PRPF31: variants seen among roughly 807,000 people sequenced by gnomAD.
PRPF31 encodes U4/U6 small nuclear ribonucleoprotein Prp31.
Under a neutral mutation model 60.4 loss-of-function variants are expected in PRPF31, and 12 were observed. The ratio of observed to expected loss-of-function variants is 0.20; its 90% confidence interval spans 0.13 to 0.32. PRPF31 has a LOEUF of 0.32. PRPF31 is among the 10% of genes least tolerant of loss of function. PRPF31 has a pLI of 1.00. For missense variants in PRPF31, 431 were observed against 687.1 expected (o/e 0.63, Z 4.17); for synonymous variants, 287 against 287.9 (o/e 1.00, Z 0.03).
Position 54,122,496 on chromosome 19 carries a change from G to C in PRPF31, c.323-1G>C, listed in dbSNP as rs2146413215. 6.2e-7 allele frequency: 1 copy of C among 1,612,222 alleles called. No individual in the cohort carries two copies. ...ACAACCTCCTGTCCCGTTTACCCTA[G>C]ACATCATCCATAAGTTCATCCGGGA... On this transcript the variant is annotated splice_acceptor_variant, in intron 4 of 13. Transcript: ENST00000321030. LOFTEE classifies it high-confidence loss of function.
intron 4 of PRPF31, 167 bp from the exon 5 acceptor site, chr19:54,122,330 C>T (rs2073811975): frequency 1.3e-6 from 1 of 758,338 alleles, no homozygotes; most frequent in Non-Finnish European, 2.4e-6. Flanking sequence ...CCCCTGGTCA[C>T]ACCTAGCGGT....
At position 54,129,377 on chromosome 19, in the gene PRPF31, C is replaced by G. The variant is rs1428547573; in HGVS notation, c.1374+7C>G. 6.3e-7 allele frequency: 1 copy of G among 1,587,406 alleles called. No homozygotes were observed. Among genetic ancestry groups the G allele is most frequent in the Non-Finnish European group, 8.6e-7 (1 of 1,168,252 alleles). ...GGCCTTCACCCCACTCCAGGTACCT[C>G]CCCTGGGCCGGCTCTGTCCCCAGCC... On this transcript the variant is annotated splice_region_variant and intron_variant, in intron 13 of 13. Coordinates refer to ENST00000321030, the MANE Select transcript of PRPF31 (RefSeq NM_015629.4).
chr19:54,117,241 G>C (rs1287264617), intron 1 of PRPF31, among the ~76,000 whole-genome samples: 1 of 152,178 alleles, frequency 6.6e-6, no homozygotes, highest in African/African-American at 2.4e-5. Context: ...GGAAGTGGGG[G>C]GTGGTGAAAG....
rs587609417 is a variant in PRPF31, at chr19:54,121,829, T to C, written c.239-31T>C. 8 of 1,586,602 alleles carry C rather than the reference T, an allele frequency of 5.0e-6. No individual in the cohort carries two copies. The Admixed American group carries it at 7.1e-5, about 14-fold the overall frequency. ...ACCCGAGAGGGGGTAGGGATTTAGA[T>C]ACTCACACCCATGCCTCCGTGTCCT... is the stretch of plus-strand genomic sequence containing the variant. On this transcript the variant is annotated intron_variant, in intron 3 of 13. Transcript: ENST00000321030.
At chr19:54,131,213 A>G in intron 13 of PRPF31, 94 bp from the exon 14 acceptor site, 1 of 1,533,070 alleles carries the variant, frequency 6.5e-7, no homozygotes, top group Non-Finnish European at 9.0e-7. Context: ...CCAAGGCCTG[A>G]GTGCCATGGG....
intron 3 of PRPF31, 74 bp downstream of exon 3, chr19:54,118,707 G>A: frequency 6.8e-7 from 1 of 1,479,182 alleles, no homozygotes; most frequent in Non-Finnish European, 9.5e-7. Context: ...CTGGCTGCTT[G>A]TGGCTGGGTA....
At chr19:54,116,732 T>C (rs1248197211) in intron 1 of PRPF31, among the ~76,000 whole-genome samples, 3 of 152,202 alleles carry the variant, frequency 2.0e-5, no homozygotes, top group Non-Finnish European at 4.4e-5. Flanking sequence ...TCCTGTAGTC[T>C]AGAGTGGGGC....
intron 2 of PRPF31, 31 bp from the exon 3 acceptor site, chr19:54,118,542 T>C (rs1273110867): frequency 3.1e-6 from 5 of 1,613,832 alleles, no homozygotes; most frequent in Non-Finnish European, 4.2e-6. Context: ...TGAAGAGTGC[T>C]GGATTCTGAC....
intron 13 of PRPF31, among the ~76,000 whole-genome samples, chr19:54,130,842 A>C (rs371623373): frequency 2.0e-5 from 3 of 152,224 alleles, no homozygotes; most frequent in African/African-American, 7.2e-5. Context: ...TCACCATTAG[A>C]GCCCAATGAC....
chr19:54,127,608 T>C (rs2073950984), intron 9 of PRPF31, among the ~76,000 whole-genome samples: 1 of 152,250 alleles, frequency 6.6e-6, no homozygotes, highest in Non-Finnish European at 1.5e-5. Flanking sequence ...CTGTCCCCGC[T>C]GCAACAGGGG....
intron 8 of PRPF31, 112 bp downstream of exon 8, chr19:54,124,768 A>C (rs1022919677): frequency 7.8e-7 from 1 of 1,285,374 alleles, no homozygotes; most frequent in Non-Finnish European, 1.1e-6. Context: ...AGCACTCAGG[A>C]GCTGGGAACA....
At chr19:54,122,824 G>A (rs2073826310) in intron 5 of PRPF31, 4 of 612,890 alleles carry the variant, frequency 6.5e-6, no homozygotes, top group Non-Finnish European at 1.2e-5. Context: ...CCTGACCCAC[G>A]CTGCTCCCGC....
intron 1 of PRPF31, among the ~76,000 whole-genome samples, chr19:54,117,030 G>A (rs1181262390): frequency 3.3e-5 from 5 of 152,148 alleles, no homozygotes; most frequent in African/African-American, 1.2e-4. Flanking sequence ...AGGTGATCGA[G>A]GCTGCCGTGA....
Position 54,121,856 on chromosome 19 carries a change from A to G in PRPF31, c.239-4A>G. On this transcript the variant is annotated splice_polypyrimidine_tract_variant and splice_region_variant and intron_variant, in intron 3 of 13. Transcript: ENST00000321030. ...CTCACACCCATGCCTCCGTGTCCTC[A>G]CAGTGATGGGACCAGTGGAGGCCGC... 1.2e-6 allele frequency: 2 copies of G among 1,609,430 alleles called. No individual in the cohort carries two copies. The highest frequency in any genetic ancestry group is 1.7e-6 in the Non-Finnish European group (2 of 1,177,952).
At chr19:54,116,365 C>T (rs1203691438) in intron 1 of PRPF31, among the ~76,000 whole-genome samples, 1 of 151,880 alleles carries the variant, frequency 6.6e-6, no homozygotes, top group Non-Finnish European at 1.5e-5. Flanking sequence ...CCACCACGCC[C>T]GGCTAGTTTT....
intron 9 of PRPF31, among the ~76,000 whole-genome samples, chr19:54,127,306 C>A (rs1462562729): frequency 2.0e-5 from 3 of 152,084 alleles, no homozygotes; most frequent in African/African-American, 7.2e-5. Flanking sequence ...TAGCTCGTGG[C>A]CCTCCCTCTG....
rs2074050536 is a variant in PRPF31 at position 54,131,641 on chromosome 19, A to G, written c.*209A>G. On this transcript the variant is annotated 3_prime_UTR_variant, in exon 14 of 14. Coordinates refer to ENST00000321030, the MANE Select transcript of PRPF31 (RefSeq NM_015629.4). ...CCAGTATGGGCTAGAGCAGGTCTTCATCATGCCTTGTCTTTTTTAACTGAG... is the reference window on the plus strand; with the variant it reads ...CCAGTATGGGCTAGAGCAGGTCTTCGTCATGCCTTGTCTTTTTTAACTGAG... 2 of 660,608 alleles carry G rather than the reference A, an allele frequency of 3.0e-6. No homozygotes were observed. The highest frequency in any genetic ancestry group is 1.8e-5 in the African/African-American group (1 of 54,848). 40.9% of individuals were successfully genotyped at this position (660,608 alleles called of 1,614,324 possible). A position where few individuals can be genotyped will look rare whatever the true frequency, so the allele number is the denominator to read the frequency against.
At chr19:54,124,475 CT>C in intron 7 of PRPF31, 23 bp from the exon 8 acceptor site, 1 of 1,583,430 alleles carries the variant, frequency 6.3e-7, no homozygotes, top group Non-Finnish European at 8.6e-7. Context: ...ACCGCCCCCC[CT>C]TCCTCCCTCC....
intron 5 of PRPF31, chr19:54,123,205 C>G: frequency 1.7e-6 from 1 of 593,820 alleles, no homozygotes; most frequent in South Asian, 2.0e-5. Context: ...CACAGTCTTT[C>G]CAGACGCCAC....
Sources: gnomAD v4.1 joint callset for allele counts (sites outside exome capture counted in the v4.1 genomes callset) on GRCh38, gnomAD v4.1.1 for gene constraint, MANE v1.5 for transcripts, NCBI Gene and HGNC (gene_info 2026-07-23, HGNC 2026-07-21) for gene names.